Variants in GFM1 observed in about 807,000 individuals in gnomAD.
GFM1 encodes elongation factor G, mitochondrial.
Under a neutral mutation model 96.2 loss-of-function variants are expected in GFM1, and 62 were observed. The observed-to-expected ratio is 0.64, with a 90% CI of 0.53 to 0.80. The LOEUF (loss-of-function observed/expected upper bound fraction) is 0.80, where lower values mean the gene tolerates loss of function less well. Among genes scored for constraint, GFM1 ranks in the 30% least tolerant of loss-of-function variants. The probability of loss-of-function intolerance (pLI) is 0.00; values close to 1 mark genes in which losing one functional copy is unlikely to be tolerated. For synonymous variants in GFM1, 282 were observed against 312.9 expected, an observed-to-expected ratio of 0.90 and a Z score of 1.04; for missense variants, 852 against 916.6, an observed-to-expected ratio of 0.93 and a Z score of 0.91.
chr3:158,645,902 AG>A lies in GFM1; in HGVS notation c.234+122del, dbSNP rs1721744939. ...ACAATGGTAACAGCGGACTTTTGAC[AG>A]TTAGGCTTATCTGAAAGTTGCTTAA... On this transcript the variant is annotated intron_variant, in intron 2 of 17. Transcript: ENST00000486715. 24 of 997,820 alleles carry A rather than the reference AG, an allele frequency of 2.4e-5. No individual in the cohort carries two copies. In the South Asian group the frequency reaches 2.9e-4, roughly 12 times the overall value. 61.8% of individuals were successfully genotyped at this position (997,820 alleles called of 1,614,324 possible).
chr3:158,651,584 C>A (rs1448146540), intron 5 of GFM1, among the ~76,000 whole-genome samples: 1 of 152,230 alleles, frequency 6.6e-6, no homozygotes, highest in Non-Finnish European at 1.5e-5. Flanking sequence ...TATTACTTTG[C>A]ATGCCTGCCA....
chr3:158,658,721 C>T (rs1215192523), intron 8 of GFM1, among the ~76,000 whole-genome samples: 1 of 152,064 alleles, frequency 6.6e-6, no homozygotes, highest in East Asian at 1.9e-4. Flanking sequence ...GATTGTGATA[C>T]CAAAAGGATT....
chr3:158,669,063 A>AT, intron 13 of GFM1: 1 of 1,613,646 alleles, frequency 6.2e-7, no homozygotes, highest in Non-Finnish European at 8.5e-7. Context: ...TTGCCATATT[A>AT]TATAACCACA....
At chr3:158,683,078 A>G (rs1264820815) in intron 14 of GFM1, among the ~76,000 whole-genome samples, 2 of 151,672 alleles carry the variant, frequency 1.3e-5, no homozygotes, top group East Asian at 3.9e-4. Context: ...TAATTAATTC[A>G]TATAGACTGT....
intron 11 of GFM1, among the ~76,000 whole-genome samples, chr3:158,664,808 C>T (rs1457509740): frequency 1.3e-5 from 2 of 152,166 alleles, no homozygotes; most frequent in Non-Finnish European, 2.9e-5. Flanking sequence ...CATTAATCTG[C>T]TTACCACGCG....
rs1455051688 is a variant in GFM1, at chr3:158,648,404, C to T, written c.573-637C>T. On this transcript the variant is annotated intron_variant, in intron 4 of 17. Transcript: ENST00000486715. ...TATTCAGTTTTGAGCCTGGGCCGGGCGCGGTGGCTCACACCTGTAATCCCA... is the reference window on the plus strand; with the variant it reads ...TATTCAGTTTTGAGCCTGGGCCGGGTGCGGTGGCTCACACCTGTAATCCCA... Among the ~76,000 whole-genome samples the T allele has an allele frequency of 3.9e-5, 6 of 152,214 alleles. No homozygotes were observed. The South Asian group carries it at 6.2e-4, about 16-fold the overall frequency.
At chr3:158,650,127 G>A in intron 5 of GFM1, 2 of 1,295,798 alleles carry the variant, frequency 1.5e-6, no homozygotes, top group Non-Finnish European at 2.2e-6. Flanking sequence ...TTGTAAGCAG[G>A]AAAAGGATGG....
intron 8 of GFM1, chr3:158,656,220 C>A: frequency 4.7e-6 from 1 of 211,022 alleles, no homozygotes; most frequent in Non-Finnish European, 9.5e-6. Flanking sequence ...ATGGCACAAT[C>A]TCGGCTCGCT....
In GFM1 at chr3:158,692,642, AAAAG is replaced by A. The variant is rs1726403271; in HGVS notation, c.*1176_*1179del. ...GGTTTCTAGGGGAAAAAGATCTTTA[AAAAG>A]TATTGAGCACATGTTTTCAAGGCAT... On this transcript the variant is annotated 3_prime_UTR_variant, in exon 18 of 18. Transcript: ENST00000486715. 6.6e-6 allele frequency: 1 copy of A among 152,184 alleles called. No individual in the cohort carries two copies. Among genetic ancestry groups the A allele is most frequent in the Admixed American group, 6.5e-5 (1 of 15,276 alleles). The allele number at this position is 152,184 out of a possible 1,614,324, so 9.4% of individuals were successfully genotyped here. A position where few individuals can be genotyped will look rare whatever the true frequency, so the allele number is the denominator to read the frequency against.
chr3:158,652,022 A>G, intron 5 of GFM1, 74 bp from the exon 6 acceptor site: 1 of 1,280,450 alleles, frequency 7.8e-7, no homozygotes, highest in East Asian at 2.4e-5. Flanking sequence ...TTAACCATTA[A>G]TCATATATTT....
At chr3:158,662,952 G>T (rs1723312465) in intron 11 of GFM1, among the ~76,000 whole-genome samples, 1 of 152,156 alleles carries the variant, frequency 6.6e-6, no homozygotes, top group African/African-American at 2.4e-5. Context: ...AGTGTTAAGT[G>T]TAACTTCCCG....
chr3:158,677,089 T>C (rs1724969149), intron 13 of GFM1, among the ~76,000 whole-genome samples: 1 of 152,236 alleles, frequency 6.6e-6, no homozygotes, highest in South Asian at 2.1e-4. Flanking sequence ...TTTTTCATTA[T>C]TATTATATCT....
chr3:158,668,386 C>T (rs930460954), intron 13 of GFM1, among the ~76,000 whole-genome samples: 2 of 151,832 alleles, frequency 1.3e-5, no homozygotes, highest in African/African-American at 4.8e-5. Flanking sequence ...CCATTTTTTT[C>T]CCCCAAATAT....
At chr3:158,661,933 T>C (rs1014937802) in intron 10 of GFM1, among the ~76,000 whole-genome samples, 2 of 152,220 alleles carry the variant, frequency 1.3e-5, no homozygotes, top group African/African-American at 2.4e-5. Context: ...ATACAATTTT[T>C]GTTTGAGATC....
chr3:158,650,035 A>T (rs1014396205), intron 5 of GFM1: 1 of 1,535,840 alleles, frequency 6.5e-7, no homozygotes, highest in African/African-American at 1.4e-5. Context: ...TTCCTCTGCT[A>T]TGGAATTGGG....
chr3:158,680,002 A>C (rs912539353), intron 13 of GFM1, among the ~76,000 whole-genome samples: 2 of 152,194 alleles, frequency 1.3e-5, no homozygotes, highest in Non-Finnish European at 2.9e-5. Flanking sequence ...AATTAGTAGA[A>C]ATGCCCATTG....
Position 158,646,083 on chromosome 3 carries a change from A to G in GFM1, c.235-82A>G, listed in dbSNP as rs140665003. 6.6e-5 allele frequency: 102 copies of G among 1,553,756 alleles called. No individual in the cohort carries two copies. In the East Asian group the frequency reaches 2.0e-3, roughly 30 times the overall value. On this transcript the variant is annotated intron_variant, in intron 2 of 17. Coordinates refer to ENST00000486715, the MANE Select transcript of GFM1 (RefSeq NM_024996.7). ...TAGGCATGAGCCACTGCACCTGGCA[A>G]CTGTTTCCATTTCAGTTAAGATTTC...
In GFM1 at chr3:158,671,412, G is replaced by T. The variant is rs150857816; in HGVS notation, c.1601+5026G>T. Among the ~76,000 whole-genome samples, 10 of 152,280 alleles carry T rather than the reference G, an allele frequency of 6.6e-5. No individual in the cohort carries two copies. The East Asian group carries it at 1.5e-3, about 23-fold the overall frequency. ...AAGCTCAGTGTACCCTCCAAATAAT[G>T]TTCAATGAATGTGAATTTCATTTTG... is the stretch of plus-strand genomic sequence containing the variant. On this transcript the variant is annotated intron_variant, in intron 13 of 17. Transcript: ENST00000486715.
chr3:158,690,016 G>T, intron 15 of GFM1, 147 bp from the exon 16 acceptor site: 1 of 675,756 alleles, frequency 1.5e-6, no homozygotes, highest in Non-Finnish European at 2.6e-6. Flanking sequence ...ATTACTACAG[G>T]AAAAATGAGT....
Sources: gnomAD v4.1 joint callset for allele counts (sites outside exome capture counted in the v4.1 genomes callset) on GRCh38, gnomAD v4.1.1 for gene constraint, MANE v1.5 for transcripts, NCBI Gene and HGNC (gene_info 2026-07-23, HGNC 2026-07-21) for gene names.